ADAMTS20: variants seen among roughly 807,000 people sequenced by gnomAD.
ADAMTS20 encodes A disintegrin and metalloproteinase with thrombospondin motifs 20.
In ADAMTS20, 225 loss-of-function variants were observed where a neutral mutation model predicts 260.1. That is an observed-to-expected ratio of 0.87 (90% CI 0.78 to 0.97). The LOEUF is 0.97. Among genes scored for constraint, ADAMTS20 ranks in the 50% least tolerant of loss-of-function variants. The pLI is 0.00. For missense variants in ADAMTS20, 2,400 were observed against 2,337.7 expected, an observed-to-expected ratio of 1.03 and a Z score of -0.55; for synonymous variants, 802 against 769.5, an observed-to-expected ratio of 1.04 and a Z score of -0.70.
rs151272778 is a variant in ADAMTS20, at chr12:43,528,060, C to A, written c.613+3976G>T. On this transcript the variant is annotated intron_variant, in intron 3 of 38. Coordinates refer to ENST00000389420, the MANE Select transcript of ADAMTS20 (RefSeq NM_025003.5). ...ACACCAAAAACAATCAAGCTGAGAGCCAAATCAAGAACTCAATCCCTTTTA... is the reference window on the plus strand; with the variant it reads ...ACACCAAAAACAATCAAGCTGAGAGACAAATCAAGAACTCAATCCCTTTTA... 1.1e-3 allele frequency among the ~76,000 whole-genome samples: 160 copies of A among 151,728 alleles called. 1 individual carries two copies. The highest frequency in any genetic ancestry group is 2.8e-3 in the Admixed American group (42 of 15,224).
chr12:43,469,046 A>G (rs891447419), intron 7 of ADAMTS20, among the ~76,000 whole-genome samples: 4 of 152,168 alleles, frequency 2.6e-5, no homozygotes, highest in Admixed American at 6.5e-5. Context: ...GTAGCAGGAA[A>G]GAGATTAAAT....
At chr12:43,406,292 T>C (rs1262230733) in intron 28 of ADAMTS20, among the ~76,000 whole-genome samples, 2 of 152,182 alleles carry the variant, frequency 1.3e-5, no homozygotes, top group Non-Finnish European at 2.9e-5. Flanking sequence ...CATTAGAGTA[T>C]GTATTATTTA....
intron 4 of ADAMTS20, 131 bp downstream of exon 4, chr12:43,502,021 C>A (rs754266488): frequency 5.4e-4 from 439 of 806,000 alleles, no homozygotes; most frequent in Non-Finnish European, 7.2e-4. Context: ...TCAATGAAAT[C>A]TTATTTTTGG....
At chr12:43,387,880 C>G (rs976348367) in intron 29 of ADAMTS20, among the ~76,000 whole-genome samples, 6 of 152,168 alleles carry the variant, frequency 3.9e-5, no homozygotes, top group African/African-American at 1.2e-4. Flanking sequence ...GCCCCTCCCC[C>G]CACCAAGCTC....
At chr12:43,392,784 G>A (rs1038199996) in intron 29 of ADAMTS20, among the ~76,000 whole-genome samples, 3 of 151,880 alleles carry the variant, frequency 2.0e-5, no homozygotes, top group Non-Finnish European at 4.4e-5. Flanking sequence ...TAGTTCTAGG[G>A]GGTCTCCTCT....
In ADAMTS20 at chr12:43,510,670, A is replaced by C. The variant is rs79464462; in HGVS notation, c.614-8265T>G. On this transcript the variant is annotated intron_variant, in intron 3 of 38. Coordinates refer to ENST00000389420, the MANE Select transcript of ADAMTS20 (RefSeq NM_025003.5). ...AACAAGCGTATTAAGACCCAAAACTAATTTAGACCAAACCAAAATACAAAA... is the reference window on the plus strand; with the variant it reads ...AACAAGCGTATTAAGACCCAAAACTCATTTAGACCAAACCAAAATACAAAA... Among the ~76,000 whole-genome samples, 485 of 152,218 alleles carry C rather than the reference A, an allele frequency of 3.2e-3. 7 individuals carry two copies. Among genetic ancestry groups the C allele is most frequent in the East Asian group, 0.028 (144 of 5,186 alleles).
chr12:43,417,118 C>T (rs577588603), intron 28 of ADAMTS20, among the ~76,000 whole-genome samples: 1 of 152,260 alleles, frequency 6.6e-6, no homozygotes, highest in East Asian at 1.9e-4. Flanking sequence ...AACCCAGTGC[C>T]TGGTAGATAT....
intron 20 of ADAMTS20, 58 bp downstream of exon 20, chr12:43,432,543 T>G: frequency 6.2e-7 from 1 of 1,604,408 alleles, no homozygotes; most frequent in Middle Eastern, 1.7e-4. Context: ...CAGAGTAACA[T>G]AAATACGTAA....
At chr12:43,437,023 A>G (rs1182734133) in intron 18 of ADAMTS20, among the ~76,000 whole-genome samples, 3 of 152,218 alleles carry the variant, frequency 2.0e-5, no homozygotes, top group Non-Finnish European at 4.4e-5. Flanking sequence ...TAGTACTTTT[A>G]AAATATGAAC....
intron 7 of ADAMTS20, among the ~76,000 whole-genome samples, chr12:43,474,989 G>C (rs1296193410): frequency 8.1e-6 from 1 of 122,898 alleles, no homozygotes; most frequent in Non-Finnish European, 1.7e-5. Flanking sequence ...GTTCTGGCCA[G>C]GGCAATCAGG....
intron 29 of ADAMTS20, among the ~76,000 whole-genome samples, chr12:43,393,009 C>T (rs149241656): frequency 1.6e-4 from 25 of 152,084 alleles, no homozygotes; most frequent in African/African-American, 5.3e-4. Context: ...TTATAAGAAC[C>T]GTTTCATGTA....
chr12:43,414,072 T>C (rs1941085088), intron 28 of ADAMTS20, among the ~76,000 whole-genome samples: 1 of 152,176 alleles, frequency 6.6e-6, no homozygotes, highest in South Asian at 2.1e-4. Flanking sequence ...ACTGAATAAA[T>C]AAACTTAATA....
chr12:43,462,942 T>G lies in ADAMTS20; in HGVS notation c.1567A>C (p.Thr523Pro). The change falls in exon 11 of 39, where the codon ACT becomes CCT. Residue 523 changes from threonine (T) to proline (P), a missense_variant. Thr to Pro is a conservative substitution (Grantham distance 38). Transcript: ENST00000389420. Reference protein sequence around the residue: ...STEKLHKGCFTQHVPPADGTD... With the variant: ...STEKLHKGCFPQHVPPADGTD... ...CCATCTGCTGGTGGCACGTGTTGAG[T>G]GAAACAGCCTTTGTGAAGCTTTTCT... is the stretch of plus-strand genomic sequence containing the variant. The G allele has an allele frequency of 6.2e-7, 1 of 1,609,742 alleles. No individual in the cohort carries two copies. The highest frequency in any genetic ancestry group is 8.5e-7 in the Non-Finnish European group (1 of 1,177,892).
rs1941620019 is a variant in ADAMTS20, at chr12:43,439,602, C to T, written c.2593+20G>A. The T allele has an allele frequency of 6.3e-7, 1 of 1,590,226 alleles. No homozygotes were observed. The highest frequency in any genetic ancestry group is 1.2e-5 in the South Asian group (1 of 85,612). ...AGAATGCACAGTCAGTCTTTTCTCC[C>T]TTATTGAATGCCAGCGTACCTTGAC... On this transcript the variant is annotated intron_variant, in intron 18 of 38. Transcript: ENST00000389420.
intron 16 of ADAMTS20, among the ~76,000 whole-genome samples, chr12:43,440,739 GA>G (rs1941647650): frequency 6.6e-6 from 1 of 152,174 alleles, no homozygotes; most frequent in Non-Finnish European, 1.5e-5. Context: ...CAATGGTAGG[GA>G]AAGAAGGAGC....
intron 26 of ADAMTS20, 23 bp from the exon 27 acceptor site, chr12:43,427,492 T>C (rs1405066223): frequency 1.3e-6 from 2 of 1,576,346 alleles, no homozygotes; most frequent in African/African-American, 2.7e-5. Context: ...AAACACAAAA[T>C]ATGCACAAAC....
At chr12:43,474,381 T>C (rs1391257007) in intron 7 of ADAMTS20, among the ~76,000 whole-genome samples, 1 of 150,382 alleles carries the variant, frequency 6.6e-6, no homozygotes, top group African/African-American at 2.4e-5. Flanking sequence ...CAGGACCAGA[T>C]GGATTCACAG....
intron 11 of ADAMTS20, among the ~76,000 whole-genome samples, chr12:43,454,361 G>T (rs1382983866): frequency 6.6e-6 from 1 of 152,202 alleles, no homozygotes; most frequent in South Asian, 2.1e-4. Flanking sequence ...CAAATACCAG[G>T]TTAATATGGT....
intron 11 of ADAMTS20, among the ~76,000 whole-genome samples, chr12:43,461,819 A>G (rs1462859495): frequency 6.6e-6 from 1 of 152,202 alleles, no homozygotes; most frequent in African/African-American, 2.4e-5. Flanking sequence ...CTTATCCACC[A>G]AACAGAAACA....
Sources: gnomAD v4.1 joint callset for allele counts (sites outside exome capture counted in the v4.1 genomes callset) on GRCh38, gnomAD v4.1.1 for gene constraint, MANE v1.5 for transcripts, NCBI Gene and HGNC (gene_info 2026-07-23, HGNC 2026-07-21) for gene names.